Variants in OVCH1 observed in about 807,000 individuals in gnomAD.
OVCH1 encodes the protein ovochymase 1.
In OVCH1, 139 loss-of-function variants were observed where a neutral mutation model predicts 138.4. That is an observed-to-expected ratio of 1.00 (90% CI 0.87 to 1.16). The LOEUF is 1.16. Among genes scored for constraint, OVCH1 ranks in the 50% most tolerant of loss-of-function variants. OVCH1 has a pLI of 0.00. For missense variants in OVCH1, 1,367 were observed against 1,357.9 expected, an observed-to-expected ratio of 1.01 and a Z score of -0.11; for synonymous variants, 453 against 467.8, an observed-to-expected ratio of 0.97 and a Z score of 0.41.
the OVCH1 span, among the ~76,000 whole-genome samples, chr12:29,403,240 TTAA>T: frequency 6.6e-6 from 1 of 152,198 alleles, no homozygotes; most frequent in Non-Finnish European, 1.5e-5. Flanking sequence ...AAATGGCAGC[TTAA>T]TAATTCAAAC....
chr12:29,486,592 T>C (rs1943114828), intron 7 of OVCH1, among the ~76,000 whole-genome samples: 1 of 152,290 alleles, frequency 6.6e-6, no homozygotes, highest in Admixed American at 6.5e-5. Flanking sequence ...TGTGAAATAT[T>C]CAATTCTCTG....
downstream of OVCH1, among the ~76,000 whole-genome samples, chr12:29,422,815 C>G (rs948852157): frequency 2.6e-5 from 4 of 152,136 alleles, no homozygotes; most frequent in African/African-American, 9.7e-5. Flanking sequence ...GTAAGAGAGA[C>G]ATGGAAATAC....
At position 29,454,825 on chromosome 12, in the gene OVCH1, T is replaced by C. The variant is rs757014758; in HGVS notation, c.2530+16A>G. 1.3e-6 allele frequency: 2 copies of C among 1,584,640 alleles called. No homozygotes were observed. The highest frequency in any genetic ancestry group is 3.3e-4 in the Middle Eastern group (2 of 6,030). ...CTGGCTGAAAGTATTAATGGGATAATGTAAACATTTATTACCTGGCCAAGA... is the reference window on the plus strand; with the variant it reads ...CTGGCTGAAAGTATTAATGGGATAACGTAAACATTTATTACCTGGCCAAGA... On this transcript the variant is annotated intron_variant, in intron 21 of 27. Transcript: ENST00000318184.
chr12:29,445,207 T>G, intron 23 of OVCH1, 71 bp downstream of exon 23: 1 of 1,426,658 alleles, frequency 7.0e-7, no homozygotes, highest in Non-Finnish European at 9.5e-7. Flanking sequence ...TGTATATGTT[T>G]GGAAATATTC....
At chr12:29,489,542 G>GA in intron 6 of OVCH1, 78 bp downstream of exon 6, 1 of 1,416,868 alleles carries the variant, frequency 7.1e-7, no homozygotes, top group Non-Finnish European at 9.4e-7. Flanking sequence ...GAAGAAACAT[G>GA]AGCTTCTTTT....
chr12:29,405,021 C>CAAAAAAAAAAAAAAAA, the OVCH1 span, among the ~76,000 whole-genome samples: 7 of 80,432 alleles, frequency 8.7e-5, no homozygotes, highest in African/African-American at 3.5e-4. Flanking sequence ...CACTCCACCT[C>CAAAAAAAAAAAAAAAA]AAAAAAAAAA....
At chr12:29,410,634 T>C (rs1391080987), downstream of OVCH1, among the ~76,000 whole-genome samples, 2 of 146,082 alleles carry the variant, frequency 1.4e-5, no homozygotes, top group South Asian at 2.3e-4. Flanking sequence ...TGTTGAATAT[T>C]GGCCCCCACT....
chr12:29,404,038 C>A, the OVCH1 span, among the ~76,000 whole-genome samples: 1 of 152,206 alleles, frequency 6.6e-6, no homozygotes, highest in Non-Finnish European at 1.5e-5. Flanking sequence ...CCAACACCAA[C>A]CTCTGCAATG....
chr12:29,441,244 A>G (rs1266534394), intron 25 of OVCH1, among the ~76,000 whole-genome samples: 3 of 152,174 alleles, frequency 2.0e-5, no homozygotes, highest in Non-Finnish European at 4.4e-5. Context: ...AGTAACCAAA[A>G]CAGCATGGCA....
exon 21 of OVCH1, chr12:29,454,870 G>A (rs1381589724): frequency 6.2e-7 from 1 of 1,612,428 alleles, no homozygotes; most frequent in Non-Finnish European, 8.5e-7. Context: ...TGGTGAAGGT[G>A]TGGGTGGTGG....
At chr12:29,416,053 G>T (rs1941026709) in intron 3 of OVCH1, among the ~76,000 whole-genome samples, 1 of 145,522 alleles carries the variant, frequency 6.9e-6, no homozygotes, top group African/African-American at 2.5e-5. Flanking sequence ...AGAGCAACTG[G>T]CTATCCCTTA....
downstream of OVCH1, among the ~76,000 whole-genome samples, chr12:29,410,301 C>A (rs532528306): frequency 8.6e-5 from 13 of 150,332 alleles, no homozygotes; most frequent in South Asian, 1.9e-3. Flanking sequence ...AGCATTTAGT[C>A]CATTTATATT....
Position 29,464,720 on chromosome 12 carries a change from A to G in OVCH1, c.1930-18T>C. ...CTTCTCACCTGTATCGGTGGCAAGT[A>G]AGCAAATTACAACGTAAGAAAGTCA... On this transcript the variant is annotated intron_variant, in intron 17 of 27. Transcript: ENST00000318184. 1 of 1,595,710 alleles carries G rather than the reference A, an allele frequency of 6.3e-7. No individual in the cohort carries two copies. Among genetic ancestry groups the G allele is most frequent in the Non-Finnish European group, 8.5e-7 (1 of 1,170,306 alleles).
intron 4 of OVCH1, among the ~76,000 whole-genome samples, chr12:29,491,819 C>T (rs1750824685): frequency 6.6e-6 from 1 of 152,118 alleles, no homozygotes; most frequent in Non-Finnish European, 1.5e-5. Context: ...AGGAAAAAAA[C>T]ATATTACCAA....
Position 29,487,896 on chromosome 12 carries a change from A to G in OVCH1, c.703-14T>C. The G allele has an allele frequency of 6.3e-7, 1 of 1,590,664 alleles. No homozygotes were observed. Among genetic ancestry groups the G allele is most frequent in the Non-Finnish European group, 8.5e-7 (1 of 1,170,700 alleles). On this transcript the variant is annotated splice_polypyrimidine_tract_variant and intron_variant, in intron 6 of 27. Coordinates refer to ENST00000318184, the Ensembl canonical transcript of OVCH1. ...TCCAGAGTCCCCCTTTCATGGTACA[A>G]AAAAAGAGAAAATTTGAAAATAGCC...
At chr12:29,490,237 T>G (rs957770437) in intron 5 of OVCH1, among the ~76,000 whole-genome samples, 1 of 152,070 alleles carries the variant, frequency 6.6e-6, no homozygotes, top group African/African-American at 2.4e-5. Flanking sequence ...AATTTTTTAT[T>G]TTTTATTTAT....
intron 7 of OVCH1, 44 bp from the exon 8 acceptor site, chr12:29,486,392 A>T: frequency 7.2e-7 from 1 of 1,394,488 alleles, no homozygotes; most frequent in South Asian, 1.2e-5. Flanking sequence ...AATAATAATC[A>T]TTTAAATAAA....
chr12:29,421,056 A>G (rs1284868257), intron 3 of OVCH1, among the ~76,000 whole-genome samples: 4 of 152,222 alleles, frequency 2.6e-5, no homozygotes, highest in Non-Finnish European at 4.4e-5. Context: ...GTTAGAATGC[A>G]CTGCTGCCAG....
chr12:29,453,172 T>C (rs1249622547), intron 21 of OVCH1, among the ~76,000 whole-genome samples: 1 of 152,144 alleles, frequency 6.6e-6, no homozygotes, highest in Non-Finnish European at 1.5e-5. Flanking sequence ...ATCAATAGTT[T>C]ATAGGATCTT....
Sources: gnomAD v4.1 joint callset for allele counts (sites outside exome capture counted in the v4.1 genomes callset) on GRCh38, gnomAD v4.1.1 for gene constraint, MANE v1.5 for transcripts, NCBI Gene and HGNC (gene_info 2026-07-23, HGNC 2026-07-21) for gene names.